The following E2F3 variants were observed in gnomAD, a reference collection of about 807,000 sequenced individuals.
E2F3 encodes the protein transcription factor E2F3.
A neutral mutation model predicts 44.4 loss-of-function variants in E2F3; 11 were observed. That is an observed-to-expected ratio of 0.25 (90% confidence interval 0.16 to 0.41). The LOEUF (loss-of-function observed/expected upper bound fraction) is 0.41. Ranked by LOEUF, E2F3 falls within the 10% of genes least tolerant of loss-of-function variation. E2F3 has a pLI of 1.00. For synonymous variants in E2F3, 249 were observed against 253.0 expected (o/e 0.98, Z 0.15); for missense variants, 487 against 583.6 (o/e 0.83, Z 1.70).
intron 1 of E2F3, among the ~76,000 whole-genome samples, chr6:20,423,345 T>A (rs1382649621): frequency 6.6e-6 from 1 of 152,160 alleles, no homozygotes; most frequent in Non-Finnish European, 1.5e-5. Flanking sequence ...AACACAGTGG[T>A]ATGTATCCAA....
intron 1 of E2F3, among the ~76,000 whole-genome samples, chr6:20,458,532 G>A (rs1761391523): frequency 6.6e-6 from 1 of 152,108 alleles, no homozygotes; most frequent in South Asian, 2.1e-4. Flanking sequence ...GGTGGACCTT[G>A]GAGATAAGCT....
At chr6:20,438,318 A>T (rs1051214375) in intron 1 of E2F3, among the ~76,000 whole-genome samples, 9 of 152,158 alleles carry the variant, frequency 5.9e-5, no homozygotes, top group African/African-American at 2.2e-4. Context: ...AATTTTGGAT[A>T]CTCTAATTTG....
At chr6:20,413,737 A>T (rs1412699422) in intron 1 of E2F3, among the ~76,000 whole-genome samples, 2 of 152,184 alleles carry the variant, frequency 1.3e-5, no homozygotes, top group Non-Finnish European at 2.9e-5. Context: ...AACACAGCTA[A>T]CCAAGTGGAC....
At chr6:20,488,511 G>A (rs1183532205) in intron 6 of E2F3, among the ~76,000 whole-genome samples, 1 of 151,258 alleles carries the variant, frequency 6.6e-6, no homozygotes, top group East Asian at 2.0e-4. Flanking sequence ...ACCAGCTAAA[G>A]TGAGGAGCAA....
Position 20,491,150 on chromosome 6 carries a change from C to T in E2F3, c.*720C>T. ...TGGATTTTCCTGTCTCCATGAACCA[C>T]TCCCATTCCCCCGTCCCCAATGTGT... On this transcript the variant is annotated 3_prime_UTR_variant, in exon 7 of 7. Coordinates refer to ENST00000346618, the MANE Select transcript of E2F3 (RefSeq NM_001949.5). The T allele has an allele frequency of 4.3e-6, 1 of 232,486 alleles. No homozygotes were observed. The highest frequency in any genetic ancestry group is 6.0e-5 in the East Asian group (1 of 16,560). 14.4% of individuals were successfully genotyped at this position (232,486 alleles called of 1,614,324 possible).
intron 1 of E2F3, among the ~76,000 whole-genome samples, chr6:20,428,777 C>T (rs961888303): frequency 1.1e-4 from 16 of 152,110 alleles, no homozygotes; most frequent in Non-Finnish European, 2.2e-4. Flanking sequence ...TTAATTGTTC[C>T]GTAAATATAT....
chr6:20,402,140 G>A lies in E2F3; in HGVS notation c.-93G>A. 1 of 1,451,028 alleles carries A rather than the reference G, an allele frequency of 6.9e-7. No individual in the cohort carries two copies. The highest frequency in any genetic ancestry group is 1.5e-5 in the South Asian group (1 of 66,846). The allele number at this position is 1,451,028 out of a possible 1,614,324, so 89.9% of individuals were successfully genotyped here. A position where few individuals can be genotyped will look rare whatever the true frequency, so the allele number is the denominator to read the frequency against. On this transcript the variant is annotated 5_prime_UTR_variant, in exon 1 of 7. Transcript: ENST00000346618. This position sits in a 1 kb window ranked among gnomAD's most constrained non-coding sequence, Gnocchi z 5.6. Reference sequence around the variant, plus strand: ...AAGCGCCGGGCGGGGAGGAGAGAAGGAGGAGAGACTTGGAAACTCCGACTG... The same window carrying A: ...AAGCGCCGGGCGGGGAGGAGAGAAGAAGGAGAGACTTGGAAACTCCGACTG...
chr6:20,423,576 T>C (rs1760100278), intron 1 of E2F3, among the ~76,000 whole-genome samples: 1 of 151,838 alleles, frequency 6.6e-6, no homozygotes. Flanking sequence ...GTTCAACCGA[T>C]TCTCCTGCCT....
chr6:20,479,821 G>C (rs369847098), intron 1 of E2F3, 25 bp from the exon 2 acceptor site: 1 of 1,591,062 alleles, frequency 6.3e-7, no homozygotes, highest in African/African-American at 1.3e-5. Context: ...GACCGGTGAC[G>C]AGAGATCGCA....
At position 20,493,489 on chromosome 6, in the gene E2F3, A is replaced by G. The variant is rs1762607676; in HGVS notation, c.*3059A>G. 1 of 223,116 alleles carries G rather than the reference A, an allele frequency of 4.5e-6. No individual in the cohort carries two copies. Among genetic ancestry groups the G allele is most frequent in the East Asian group, 6.6e-5 (1 of 15,126 alleles). 13.8% of individuals were successfully genotyped at this position (223,116 alleles called of 1,614,324 possible). A position where few individuals can be genotyped will look rare whatever the true frequency, so the allele number is the denominator to read the frequency against. On this transcript the variant is annotated 3_prime_UTR_variant, in exon 7 of 7. Transcript: ENST00000346618. Reference sequence around the variant, plus strand: ...AAGTATTTCTCCCAAAATTGGGAGTAGGCAAACTACTAATCAGTTTAGCTT... The same window carrying G: ...AAGTATTTCTCCCAAAATTGGGAGTGGGCAAACTACTAATCAGTTTAGCTT...
Position 20,424,835 on chromosome 6 carries a change from TC to T in E2F3, c.393+22211del, listed in dbSNP as rs370396422. 3.5e-3 allele frequency among the ~76,000 whole-genome samples: 536 copies of T among 152,298 alleles called. 10 individuals carry two copies. In the South Asian group the frequency reaches 0.049, roughly 14 times the overall value. On this transcript the variant is annotated intron_variant, in intron 1 of 6. Transcript: ENST00000346618. Reference sequence around the variant, plus strand: ...CATCTGTAGATGAGGAAAGTGAGGCTCAGTGATGAAGCAGTTTGTCCAAGGC... The same window carrying T: ...CATCTGTAGATGAGGAAAGTGAGGCTAGTGATGAAGCAGTTTGTCCAAGGC...
intron 1 of E2F3, among the ~76,000 whole-genome samples, chr6:20,474,913 C>A (rs1199183077): frequency 1.3e-5 from 2 of 152,214 alleles, no homozygotes; most frequent in African/African-American, 4.8e-5. Flanking sequence ...GATAACCCAA[C>A]GGGAACCTCC....
chr6:20,487,103 A>T (rs966992305), intron 5 of E2F3, among the ~76,000 whole-genome samples: 2 of 152,304 alleles, frequency 1.3e-5, no homozygotes, highest in African/African-American at 2.4e-5. Flanking sequence ...AATTTGAATC[A>T]CTTTGGAAAG....
At chr6:20,482,351 T>G (rs990201469) in intron 3 of E2F3, among the ~76,000 whole-genome samples, 4 of 150,276 alleles carry the variant, frequency 2.7e-5, no homozygotes, top group South Asian at 2.1e-4. Flanking sequence ...TGTTTTTTTT[T>G]TTTTTTAATT....
At chr6:20,442,474 T>C (rs1760809619) in intron 1 of E2F3, among the ~76,000 whole-genome samples, 1 of 152,244 alleles carries the variant, frequency 6.6e-6, no homozygotes. Context: ...GATGCAGGTT[T>C]CCACAACATG....
intron 1 of E2F3, among the ~76,000 whole-genome samples, chr6:20,432,939 A>C (rs1052477132): frequency 6.6e-6 from 1 of 152,162 alleles, no homozygotes; most frequent in Non-Finnish European, 1.5e-5. Context: ...GCTCCTTGTC[A>C]TCTATTGACT....
At chr6:20,410,948 G>A (rs748492213) in intron 1 of E2F3, among the ~76,000 whole-genome samples, 8 of 152,142 alleles carry the variant, frequency 5.3e-5, no homozygotes, top group Non-Finnish European at 1.2e-4. Flanking sequence ...CTAGCCCTTA[G>A]TGTTCATTTC....
At chr6:20,408,106 A>G (rs143131909) in intron 1 of E2F3, among the ~76,000 whole-genome samples, 10 of 152,338 alleles carry the variant, frequency 6.6e-5, no homozygotes, top group African/African-American at 2.4e-4. Flanking sequence ...CACGATTGCT[A>G]AAAAGCATTT....
At chr6:20,428,023 G>C (rs2127592157) in intron 1 of E2F3, among the ~76,000 whole-genome samples, 1 of 152,230 alleles carries the variant, frequency 6.6e-6, no homozygotes. Flanking sequence ...CTCTCGCAGG[G>C]ACTCTGAAGT....
Sources: allele counts gnomAD v4.1 joint callset (sites outside exome capture counted in the v4.1 genomes callset), GRCh38; gene constraint gnomAD v4.1.1; non-coding constraint Gnocchi (gnomAD v3.1); transcripts MANE v1.5; gene names NCBI Gene and HGNC (gene_info 2026-07-23, HGNC 2026-07-21).